Variants in ZFHX4 observed in about 807,000 individuals in gnomAD.
The protein encoded by ZFHX4 is zinc finger homeobox 4.
ZFHX4 carries 56 observed loss-of-function variants against 267.6 expected under a neutral mutation model. The observed-to-expected ratio is 0.21, with a 90% confidence interval of 0.17 to 0.26. The LOEUF (loss-of-function observed/expected upper bound fraction) is 0.26. Ranked by LOEUF, ZFHX4 falls within the 10% of genes least tolerant of loss-of-function variation. The pLI, the probability that ZFHX4 is intolerant of heterozygous loss-of-function variation, is 1.00. For missense variants in ZFHX4, 4,332 were observed against 4,420.0 expected, an observed-to-expected ratio of 0.98 and a Z score of 0.56; for synonymous variants, 1,778 against 1,665.6, an observed-to-expected ratio of 1.07 and a Z score of -1.64.
intron 3 of ZFHX4, among the ~76,000 whole-genome samples, chr8:76,712,836 G>A (rs1808461539): frequency 6.6e-6 from 1 of 151,852 alleles, no homozygotes. Flanking sequence ...TTTAATTCCA[G>A]TTGCAGGATT....
intron 5 of ZFHX4, chr8:76,833,705 G>T: frequency 3.2e-6 from 1 of 317,378 alleles, no homozygotes; most frequent in Non-Finnish European, 6.0e-6. Context: ...TGGTACACTT[G>T]TTCAGTGATG....
chr8:76,764,139 T>C (rs1809992140), intron 3 of ZFHX4, among the ~76,000 whole-genome samples: 1 of 152,162 alleles, frequency 6.6e-6, no homozygotes, highest in African/African-American at 2.4e-5. Flanking sequence ...CAAAAGACTA[T>C]ACAAAGAACT....
At chr8:76,773,386 C>A (rs867293279) in intron 3 of ZFHX4, among the ~76,000 whole-genome samples, 9 of 152,194 alleles carry the variant, frequency 5.9e-5, no homozygotes, top group Middle Eastern at 3.4e-3. Context: ...TAAATAATAT[C>A]TTTTTAATAT....
At position 76,851,916 on chromosome 8, in the gene ZFHX4, A is replaced by C; in HGVS notation, c.4995A>C (p.Leu1665Phe). 1 of 1,614,022 alleles carries C rather than the reference A, an allele frequency of 6.2e-7. No homozygotes were observed. Among genetic ancestry groups the C allele is most frequent in the Non-Finnish European group, 8.5e-7 (1 of 1,179,878 alleles). Residue 1665 changes from leucine to phenylalanine, a missense_variant, in exon 10 of 11, where the codon TTA becomes TTC. Coordinates refer to ENST00000651372, the MANE Select transcript of ZFHX4 (RefSeq NM_024721.5). Reference protein sequence around the residue: ...LAAVNSKDTHLDAKELNKKQT... With the variant: ...LAAVNSKDTHFDAKELNKKQT... Reference sequence around the variant, plus strand: ...CTGTAAACAGCAAAGATACCCATTTAGATGCCAAAGAATTAAATAAAAAGC... The same window carrying C: ...CTGTAAACAGCAAAGATACCCATTTCGATGCCAAAGAATTAAATAAAAAGC...
chr8:76,814,458 G>A (rs1811452794), intron 4 of ZFHX4, among the ~76,000 whole-genome samples: 1 of 152,022 alleles, frequency 6.6e-6, no homozygotes, highest in East Asian at 1.9e-4. Flanking sequence ...ATGGACCCAG[G>A]AATTCCATGG....
Position 76,851,439 on chromosome 8 carries a change from T to C in ZFHX4, c.4518T>C (p.Ser1506=). The C allele has an allele frequency of 6.2e-7, 1 of 1,613,896 alleles. No homozygotes were observed. ...AAGCAAGTCCTGTAGGAAGTGATAG[T>C]AGCTCTATTCCAGATGACATGGGCT... is the stretch of plus-strand genomic sequence containing the variant. ...EGKASPVGSD[S]SSIPDDMGSE... is the part of the protein sequence containing the mutation. The change falls in exon 10 of 11, where the codon AGT becomes AGC. Residue 1506 remains serine, a synonymous_variant. Transcript: ENST00000651372.
intron 6 of ZFHX4, among the ~76,000 whole-genome samples, chr8:76,847,270 C>T (rs1158991735): frequency 6.6e-5 from 10 of 152,144 alleles, no homozygotes; most frequent in African/African-American, 2.2e-4. Context: ...TTAATTATGA[C>T]AAGGTAATAG....
At chr8:76,814,091 A>G (rs1017346919) in intron 4 of ZFHX4, among the ~76,000 whole-genome samples, 7 of 152,112 alleles carry the variant, frequency 4.6e-5, no homozygotes, top group Admixed American at 1.3e-4. Flanking sequence ...AAGATTTTAG[A>G]GACAGAGTCT....
intron 3 of ZFHX4, among the ~76,000 whole-genome samples, chr8:76,716,756 G>A (rs903358095): frequency 7.9e-5 from 12 of 152,136 alleles, no homozygotes; most frequent in African/African-American, 2.9e-4. Context: ...CCTATGAACA[G>A]GAAGGAGAAA....
intron 3 of ZFHX4, among the ~76,000 whole-genome samples, chr8:76,743,168 C>T (rs1426970858): frequency 6.6e-6 from 1 of 152,196 alleles, no homozygotes; most frequent in East Asian, 1.9e-4. Flanking sequence ...GAGTTTGCCA[C>T]TAACACAGCC....
In ZFHX4 at chr8:76,864,720, A is replaced by G. The variant is rs1275138836; in HGVS notation, c.*155A>G. The G allele has an allele frequency of 7.2e-6, 4 of 558,030 alleles. No homozygotes were observed. Among genetic ancestry groups the G allele is most frequent in the East Asian group, 6.0e-5 (2 of 33,470 alleles). The allele number at this position is 558,030 out of a possible 1,614,324, so 34.6% of individuals were successfully genotyped here. Reference sequence around the variant, plus strand: ...TTTTTCCCATATTGATATGCTGGCAATATAGGATGGTATGTAATGGACAGA... The same window carrying G: ...TTTTTCCCATATTGATATGCTGGCAGTATAGGATGGTATGTAATGGACAGA... On this transcript the variant is annotated 3_prime_UTR_variant, in exon 11 of 11. Transcript: ENST00000651372.
intron 3 of ZFHX4, among the ~76,000 whole-genome samples, chr8:76,745,707 A>G (rs928846530): frequency 5.3e-5 from 8 of 152,152 alleles, no homozygotes; most frequent in African/African-American, 1.7e-4. Context: ...GCCTTTCATA[A>G]TATTATGTAC....
In ZFHX4 at chr8:76,846,854, C is replaced by G. The variant is rs540993540; in HGVS notation, c.3512-2141C>G. 1.3e-4 allele frequency among the ~76,000 whole-genome samples: 20 copies of G among 152,166 alleles called. No homozygotes were observed. The South Asian group carries it at 4.1e-3, about 32-fold the overall frequency. On this transcript the variant is annotated intron_variant, in intron 6 of 10. Coordinates refer to ENST00000651372, the MANE Select transcript of ZFHX4 (RefSeq NM_024721.5). Reference sequence around the variant, plus strand: ...ATTCTATTACTGATGATCCAAAGGGCCTGCAAGCAACTAAGTCATGGAAAT... The same window carrying G: ...ATTCTATTACTGATGATCCAAAGGGGCTGCAAGCAACTAAGTCATGGAAAT...
chr8:76,683,086 C>G (rs1323644663), intron 1 of ZFHX4: 4 of 152,382 alleles, frequency 2.6e-5, no homozygotes, highest in African/African-American at 7.2e-5. Context: ...TTCGGCCGCT[C>G]GGGCTGGGGT....
At chr8:76,689,484 T>C (rs1407278323) in intron 1 of ZFHX4, among the ~76,000 whole-genome samples, 1 of 152,178 alleles carries the variant, frequency 6.6e-6, no homozygotes, top group African/African-American at 2.4e-5. Flanking sequence ...GCACAATTTC[T>C]CTTGGCACTT....
chr8:76,860,147 C>T (rs938768520), intron 10 of ZFHX4, among the ~76,000 whole-genome samples: 1 of 152,070 alleles, frequency 6.6e-6, no homozygotes, highest in Admixed American at 6.6e-5. Flanking sequence ...TTCTGGTTTT[C>T]TGGCTACTGA....
chr8:76,854,276 C>G lies in ZFHX4; in HGVS notation c.7355C>G (p.Pro2452Arg). Residue 2452 changes from proline to arginine, a missense_variant, in exon 10 of 11, where the codon CCA becomes CGA. Pro to Arg is a moderately radical substitution (Grantham distance 103). This residue lies in a region of ZFHX4 where 1,648 missense variants were observed against 1,625.0 expected (regional missense o/e 1.01). Transcript: ENST00000651372. ...GCCCAGCCACAGCCACAGCCACAGC[C>G]ACCAAAACAACCCCAACTTATCGGA... is the stretch of plus-strand genomic sequence containing the variant. ...STAQPQPQPQPPKQPQLIGRP... is the reference protein window; with the variant it reads ...STAQPQPQPQRPKQPQLIGRP... 1 of 1,591,902 alleles carries G rather than the reference C, an allele frequency of 6.3e-7. No homozygotes were observed.
intron 4 of ZFHX4, among the ~76,000 whole-genome samples, chr8:76,829,941 A>G (rs1811890754): frequency 6.6e-6 from 1 of 152,172 alleles, no homozygotes; most frequent in East Asian, 1.9e-4. Flanking sequence ...ACAAAAATGA[A>G]CGCTAGAAAT....
chr8:76,682,814 G>A (rs1034421878), intron 1 of ZFHX4, among the ~76,000 whole-genome samples: 1 of 152,054 alleles, frequency 6.6e-6, no homozygotes, highest in Non-Finnish European at 1.5e-5. Flanking sequence ...CATCAAGTGC[G>A]CCTTCTGGCT....
Sources: allele counts gnomAD v4.1 joint callset (sites outside exome capture counted in the v4.1 genomes callset), GRCh38; gene constraint gnomAD v4.1.1; regional missense constraint gnomAD v4.1.1; transcripts MANE v1.5; gene names NCBI Gene and HGNC (gene_info 2026-07-23, HGNC 2026-07-21).